The following ZDHHC14 variants were observed in gnomAD, a reference collection of about 807,000 sequenced individuals.
ZDHHC14 encodes the protein zDHHC palmitoyltransferase 14.
ZDHHC14 carries 16 observed loss-of-function variants against 47.7 expected under a neutral mutation model. The ratio of observed to expected loss-of-function variants is 0.34; its 90% CI spans 0.23 to 0.51. ZDHHC14 has a LOEUF of 0.51. ZDHHC14 is among the 20% of genes least tolerant of loss of function. ZDHHC14 has a pLI of 0.97. For synonymous variants in ZDHHC14, 293 were observed against 278.9 expected, an observed-to-expected ratio of 1.05 and a Z score of -0.50; for missense variants, 515 against 662.5, an observed-to-expected ratio of 0.78 and a Z score of 2.44.
intron 1 of ZDHHC14, among the ~76,000 whole-genome samples, chr6:157,396,008 G>A (rs1245206424): frequency 1.3e-5 from 2 of 151,976 alleles, no homozygotes; most frequent in African/African-American, 2.4e-5. Context: ...ATTTAGGTCT[G>A]CTTTTGCCTT....
intron 1 of ZDHHC14, among the ~76,000 whole-genome samples, chr6:157,522,695 G>GT (rs997983688): frequency 2.2e-4 from 32 of 143,834 alleles, no homozygotes; most frequent in African/African-American, 7.9e-4. Flanking sequence ...ACTGTAAGAA[G>GT]TTTTTTTTCT....
In ZDHHC14 at chr6:157,427,731, C is replaced by T. The variant is rs943448849; in HGVS notation, c.245+45465C>T. Reference sequence around the variant, plus strand: ...TGGCAGATGCGCTAGGGCTGTTCCTCCTGGAGTAGTGGGAGTCAGAAACAC... The same window carrying T: ...TGGCAGATGCGCTAGGGCTGTTCCTTCTGGAGTAGTGGGAGTCAGAAACAC... On this transcript the variant is annotated intron_variant, in intron 1 of 8. Transcript: ENST00000359775. The surrounding 1 kb of genome is among the most constrained non-coding windows in gnomAD (Gnocchi z 4.4). Among the ~76,000 whole-genome samples, 8 of 152,036 alleles carry T rather than the reference C, an allele frequency of 5.3e-5. No homozygotes were observed. Among genetic ancestry groups the T allele is most frequent in the African/African-American group, 9.7e-5 (4 of 41,378 alleles).
At chr6:157,523,296 T>A (rs2114770623) in intron 1 of ZDHHC14, among the ~76,000 whole-genome samples, 1 of 152,278 alleles carries the variant, frequency 6.6e-6, no homozygotes, top group East Asian at 1.9e-4. Context: ...ATTGAATACG[T>A]GATGTGTGAT....
At chr6:157,500,444 A>T (rs1780168097) in intron 1 of ZDHHC14, among the ~76,000 whole-genome samples, 1 of 152,172 alleles carries the variant, frequency 6.6e-6, no homozygotes, top group South Asian at 2.1e-4. Flanking sequence ...TGCTGTGTAG[A>T]GAGTGGGACG....
intron 3 of ZDHHC14, among the ~76,000 whole-genome samples, chr6:157,606,714 G>A (rs943605374): frequency 1.3e-5 from 2 of 152,150 alleles, no homozygotes; most frequent in South Asian, 4.1e-4. Flanking sequence ...CACCTCCCAG[G>A]GCATAGTCTC....
chr6:157,482,561 C>T (rs1225195865), intron 1 of ZDHHC14, among the ~76,000 whole-genome samples: 3 of 151,224 alleles, frequency 2.0e-5, no homozygotes, highest in Non-Finnish European at 4.4e-5. Context: ...GCTCCAACGT[C>T]TATATTTCAT....
intron 1 of ZDHHC14, among the ~76,000 whole-genome samples, chr6:157,388,857 T>C (rs2749668): frequency 0.83 from 126,706 of 152,132 alleles, 52,917 homozygotes; most frequent in Middle Eastern, 0.93. Flanking sequence ...TTTGAGTCTA[T>C]TCGGTCCTCT....
intron 1 of ZDHHC14, among the ~76,000 whole-genome samples, chr6:157,486,579 G>T (rs1388026074): frequency 1.3e-5 from 2 of 152,192 alleles, no homozygotes; most frequent in African/African-American, 4.8e-5. Context: ...AAGTGCTAGG[G>T]CTGGGGGTCC....
chr6:157,550,599 A>C (rs569487399), intron 2 of ZDHHC14, among the ~76,000 whole-genome samples: 3 of 150,524 alleles, frequency 2.0e-5, no homozygotes, highest in Non-Finnish European at 4.5e-5. Context: ...TCTAGAGAGA[A>C]CATGGTGTCA....
chr6:157,383,919 T>A (rs567987839), intron 1 of ZDHHC14, among the ~76,000 whole-genome samples: 1 of 152,322 alleles, frequency 6.6e-6, no homozygotes, highest in Admixed American at 6.5e-5. Context: ...CCTTGGAAAC[T>A]GGAAGAAGGG....
intron 8 of ZDHHC14, among the ~76,000 whole-genome samples, chr6:157,662,397 G>A (rs1778383987): frequency 6.6e-6 from 1 of 152,194 alleles, no homozygotes. Context: ...GGTCAGGCTG[G>A]TCTTGACCTC....
At chr6:157,457,876 G>C (rs1455771864) in intron 1 of ZDHHC14, among the ~76,000 whole-genome samples, 1 of 152,210 alleles carries the variant, frequency 6.6e-6, no homozygotes, top group Non-Finnish European at 1.5e-5. Context: ...CCATGCTGAG[G>C]TTTTACAGCT....
chr6:157,625,310 C>G lies in ZDHHC14; in HGVS notation c.566-3039C>G, dbSNP rs1005675899. On this transcript the variant is annotated intron_variant, in intron 3 of 8. Coordinates refer to ENST00000359775, the MANE Select transcript of ZDHHC14 (RefSeq NM_024630.3). ...TGGGGTTCTGAGTTGAGCAACTGGT[C>G]AGATAGAGAGTCTGAAGAGGCACGT... Among the ~76,000 whole-genome samples the G allele has an allele frequency of 5.9e-5, 9 of 151,978 alleles. No homozygotes were observed. In the East Asian group the frequency reaches 9.6e-4, roughly 16 times the overall value.
At chr6:157,536,819 CTT>C (rs768063106) in intron 1 of ZDHHC14, among the ~76,000 whole-genome samples, 6 of 97,980 alleles carry the variant, frequency 6.1e-5, no homozygotes, top group Admixed American at 1.0e-4. Flanking sequence ...CTCCATCTAT[CTT>C]TTTTTTTTTT....
At chr6:157,481,255 T>G (rs1476174523) in intron 1 of ZDHHC14, among the ~76,000 whole-genome samples, 1 of 152,244 alleles carries the variant, frequency 6.6e-6, no homozygotes, top group African/African-American at 2.4e-5. Context: ...CCAAACTTTC[T>G]GTAGATGAGC....
In ZDHHC14 at chr6:157,676,730, TC is replaced by T. The variant is rs1468525903; in HGVS notation, c.*3612del. 6.6e-6 allele frequency: 1 copy of T among 152,298 alleles called. No individual in the cohort carries two copies. The highest frequency in any genetic ancestry group is 1.5e-5 in the Non-Finnish European group (1 of 68,100). 9.4% of individuals were successfully genotyped at this position (152,298 alleles called of 1,614,324 possible). A position where few individuals can be genotyped will look rare whatever the true frequency, so the allele number is the denominator to read the frequency against. Reference sequence around the variant, plus strand: ...TGAAGGGCACAGCCTGGCGGGCTACTCCCCAAGGGTCTCAGGTCTCTGCCCA... The same window carrying T: ...TGAAGGGCACAGCCTGGCGGGCTACTCCCAAGGGTCTCAGGTCTCTGCCCA... On this transcript the variant is annotated 3_prime_UTR_variant, in exon 9 of 9. Coordinates refer to ENST00000359775, the MANE Select transcript of ZDHHC14 (RefSeq NM_024630.3).
intron 3 of ZDHHC14, among the ~76,000 whole-genome samples, chr6:157,606,726 C>T (rs1784553315): frequency 6.6e-6 from 1 of 152,212 alleles, no homozygotes; most frequent in Non-Finnish European, 1.5e-5. Context: ...CATAGTCTCA[C>T]CCGCGGTCAA....
chr6:157,629,019 A>C (rs1399059763), intron 4 of ZDHHC14, among the ~76,000 whole-genome samples: 1 of 152,252 alleles, frequency 6.6e-6, no homozygotes, highest in African/African-American at 2.4e-5. Flanking sequence ...GGTTAAAAAC[A>C]TACATTTGAC....
intron 8 of ZDHHC14, among the ~76,000 whole-genome samples, chr6:157,667,946 T>C (rs1778625268): frequency 6.6e-6 from 1 of 152,216 alleles, no homozygotes; most frequent in Non-Finnish European, 1.5e-5. Flanking sequence ...CTGACAAAAC[T>C]CTGCTCTGTC....
Sources: gnomAD v4.1 joint callset for allele counts (sites outside exome capture counted in the v4.1 genomes callset) on GRCh38, gnomAD v4.1.1 for gene constraint, Gnocchi (gnomAD v3.1) non-coding constraint, MANE v1.5 for transcripts, NCBI Gene and HGNC (gene_info 2026-07-23, HGNC 2026-07-21) for gene names.